SPAG17: variants seen among roughly 807,000 people sequenced by gnomAD.
SPAG17 encodes the protein sperm-associated antigen 17.
A neutral mutation model predicts 273.6 loss-of-function variants in SPAG17; 169 were observed. The observed-to-expected ratio is 0.62, with a 90% CI of 0.55 to 0.70. The LOEUF (loss-of-function observed/expected upper bound fraction) is 0.70, where lower values mean the gene tolerates loss of function less well. SPAG17 is among the 30% of genes least tolerant of loss of function. The probability of loss-of-function intolerance (pLI) is 0.00; values close to 1 mark genes in which losing one functional copy is unlikely to be tolerated. For missense variants in SPAG17, 2,557 were observed against 2,627.8 expected, an observed-to-expected ratio of 0.97 and a Z score of 0.59; for synonymous variants, 825 against 873.2, an observed-to-expected ratio of 0.94 and a Z score of 0.97.
chr1:118,168,828 T>C (rs1660289941), intron 1 of SPAG17, among the ~76,000 whole-genome samples: 1 of 152,124 alleles, frequency 6.6e-6, no homozygotes, highest in Non-Finnish European at 1.5e-5. Context: ...AGGATTTTAA[T>C]GAGAAAGAGT....
chr1:118,113,768 C>T (rs951670951), intron 4 of SPAG17, among the ~76,000 whole-genome samples: 2 of 152,084 alleles, frequency 1.3e-5, no homozygotes, highest in Admixed American at 1.3e-4. Context: ...ACCTTTAGAA[C>T]CTCTTAATTG....
chr1:118,151,197 C>A, intron 2 of SPAG17, 32 bp downstream of exon 2: 2 of 1,472,604 alleles, frequency 1.4e-6, no homozygotes, highest in Admixed American at 2.1e-5. Context: ...AAAAAGTCTT[C>A]AGGTGGCTTT....
chr1:118,081,731 AC>A, intron 13 of SPAG17, 89 bp from the exon 14 acceptor site: 1 of 1,088,030 alleles, frequency 9.2e-7, no homozygotes, highest in Non-Finnish European at 1.4e-6. Flanking sequence ...GAGTCTGTCT[AC>A]CAGAAAGACA....
intron 36 of SPAG17, among the ~76,000 whole-genome samples, chr1:117,991,925 G>A (rs772438708): frequency 7.2e-5 from 11 of 152,090 alleles, no homozygotes; most frequent in Non-Finnish European, 1.3e-4. Flanking sequence ...GAAGAGAAAC[G>A]TACTTTATTT....
At chr1:118,107,046 G>A (rs1656442742) in intron 4 of SPAG17, among the ~76,000 whole-genome samples, 3 of 152,210 alleles carry the variant, frequency 2.0e-5, no homozygotes, top group South Asian at 2.1e-4. Context: ...GCAGAGTATA[G>A]TTTCCAGACA....
intron 48 of SPAG17, among the ~76,000 whole-genome samples, chr1:117,956,328 G>A: frequency 6.6e-6 from 1 of 152,022 alleles, no homozygotes; most frequent in East Asian, 1.9e-4. Flanking sequence ...TATTATTTGT[G>A]ATTTTCCTTT....
intron 34 of SPAG17, among the ~76,000 whole-genome samples, chr1:117,995,129 C>T (rs1657516244): frequency 6.6e-6 from 1 of 152,038 alleles, no homozygotes; most frequent in Non-Finnish European, 1.5e-5. Context: ...ATGCTTTCTC[C>T]TTTATGTTTT....
intron 29 of SPAG17, among the ~76,000 whole-genome samples, chr1:118,015,554 T>C (rs892965263): frequency 1.3e-5 from 2 of 152,146 alleles, no homozygotes; most frequent in Non-Finnish European, 2.9e-5. Flanking sequence ...TAAGTAGTAA[T>C]GAGACACTCA....
At chr1:118,057,020 G>A (rs1651766356) in intron 18 of SPAG17, among the ~76,000 whole-genome samples, 1 of 150,942 alleles carries the variant, frequency 6.6e-6, no homozygotes, top group Non-Finnish European at 1.5e-5. Context: ...TGTCACCCAG[G>A]CCAGAGTGCA....
chr1:117,992,484 C>T lies in SPAG17; in HGVS notation c.5343G>A (p.Arg1781=). The T allele has an allele frequency of 6.2e-7, 1 of 1,610,064 alleles. No homozygotes were observed. The highest frequency in any genetic ancestry group is 8.5e-7 in the Non-Finnish European group (1 of 1,178,588). ...CCATTACCTTAAGGGAAACCTGCAG[C>T]CTCAGTTTCACCTCATTCTTTATGA... ...HEVIKNEVKL[R]LQVSLKDYIN... is the part of the protein sequence containing the mutation. The change falls in exon 36 of 49, where the codon AGG becomes AGA. Residue 1781 remains arginine (R), a synonymous_variant. Transcript: ENST00000336338.
intron 20 of SPAG17, among the ~76,000 whole-genome samples, chr1:118,047,018 T>C (rs912230599): frequency 1.3e-5 from 2 of 152,202 alleles, no homozygotes; most frequent in Non-Finnish European, 2.9e-5. Flanking sequence ...TCAGACAAGA[T>C]TTTTAAAAAT....
At chr1:118,040,912 C>A in intron 21 of SPAG17, 71 bp from the exon 22 acceptor site, 1 of 1,028,954 alleles carries the variant, frequency 9.7e-7, no homozygotes, top group Non-Finnish European at 1.5e-6. Context: ...CAGTGTTAGC[C>A]AACTAAAGTT....
chr1:118,084,144 C>A (rs546776044), intron 13 of SPAG17, among the ~76,000 whole-genome samples: 146 of 152,162 alleles, frequency 9.6e-4, no homozygotes, highest in Non-Finnish European at 1.8e-3. Flanking sequence ...CAGAAGTTCA[C>A]CCCCTACTCA....
At chr1:118,090,321 G>A (rs1655282052) in intron 10 of SPAG17, among the ~76,000 whole-genome samples, 1 of 152,120 alleles carries the variant, frequency 6.6e-6, no homozygotes, top group Non-Finnish European at 1.5e-5. Flanking sequence ...ATTTGAATTT[G>A]CTAACTTGCA....
chr1:118,057,803 T>C (rs936479274), intron 18 of SPAG17, among the ~76,000 whole-genome samples: 2 of 151,736 alleles, frequency 1.3e-5, no homozygotes, highest in Admixed American at 1.3e-4. Context: ...AAATGAGAAG[T>C]AGGGATTTGT....
intron 13 of SPAG17, 86 bp from the exon 14 acceptor site, chr1:118,081,728 T>C (rs1654590670): frequency 2.6e-6 from 3 of 1,141,434 alleles, no homozygotes; most frequent in East Asian, 4.8e-5. Flanking sequence ...AGGGAGTCTG[T>C]CTACCAGAAA....
intron 1 of SPAG17, among the ~76,000 whole-genome samples, chr1:118,179,823 C>T (rs1367501052): frequency 6.6e-6 from 1 of 151,740 alleles, no homozygotes; most frequent in Non-Finnish European, 1.5e-5. Flanking sequence ...TACAAATGAC[C>T]AAAAGGTATA....
At chr1:118,028,228 G>A (rs1048901137) in intron 26 of SPAG17, 46 bp downstream of exon 26, 6 of 1,570,390 alleles carry the variant, frequency 3.8e-6, no homozygotes, top group Non-Finnish European at 5.2e-6. Flanking sequence ...TTTTCTACGT[G>A]ACATTTTGCT....
Position 118,041,868 on chromosome 1 carries a change from G to C in SPAG17, c.2989C>G (p.Gln997Glu). ...TCTGTTACTTCTTGGATCTTGACTT[G>C]TTCTTCTTTAGATTTCTCCTTGTAA... ...SPYKEKSKEE[Q>E]VKIQEVTEES... The change falls in exon 21 of 49, where the codon CAA becomes GAA. Residue 997 changes from glutamine to glutamate, a missense_variant. Gln to Glu is a conservative substitution (Grantham distance 29). Transcript: ENST00000336338. 1.9e-6 allele frequency: 3 copies of C among 1,613,848 alleles called. No homozygotes were observed. The highest frequency in any genetic ancestry group is 2.5e-6 in the Non-Finnish European group (3 of 1,179,824).
Sources: allele counts gnomAD v4.1 joint callset (sites outside exome capture counted in the v4.1 genomes callset), GRCh38; gene constraint gnomAD v4.1.1; transcripts MANE v1.5; gene names NCBI Gene and HGNC (gene_info 2026-07-23, HGNC 2026-07-21).